Variants in GHR observed in about 807,000 individuals in gnomAD.
The protein encoded by GHR is GH receptor.
GHR carries 35 observed loss-of-function variants against 67.1 expected under a neutral mutation model. That is an observed-to-expected ratio of 0.52 (90% confidence interval 0.40 to 0.69). The LOEUF is 0.69. Ranked by LOEUF, GHR falls within the 30% of genes least tolerant of loss-of-function variation. The probability of loss-of-function intolerance (pLI) is 0.00; values close to 1 mark genes in which losing one functional copy is unlikely to be tolerated. For synonymous variants in GHR, 272 were observed against 269.1 expected, an observed-to-expected ratio of 1.01 and a Z score of -0.10; for missense variants, 792 against 764.6, an observed-to-expected ratio of 1.04 and a Z score of -0.42.
intron 1 of GHR, among the ~76,000 whole-genome samples, chr5:42,523,662 C>T (rs1434970493): frequency 1.3e-5 from 2 of 152,084 alleles, no homozygotes; most frequent in African/African-American, 4.8e-5. Context: ...CCCTGAAACA[C>T]AACAATATTG....
intron 2 of GHR, among the ~76,000 whole-genome samples, chr5:42,605,090 C>CTTTTTT (rs57499086): frequency 1.2e-4 from 11 of 90,074 alleles, no homozygotes; most frequent in African/African-American, 2.4e-4. Flanking sequence ...TGTGGTGCCT[C>CTTTTTT]TTTTTTTTTT....
intron 2 of GHR, among the ~76,000 whole-genome samples, chr5:42,601,828 T>A (rs1017990546): frequency 6.6e-6 from 1 of 152,126 alleles, no homozygotes; most frequent in Non-Finnish European, 1.5e-5. Context: ...TTTCAATTCA[T>A]CTCATAAACA....
intron 1 of GHR, among the ~76,000 whole-genome samples, chr5:42,522,184 T>C (rs1209444963): frequency 6.6e-6 from 1 of 152,188 alleles, no homozygotes; most frequent in East Asian, 1.9e-4. Flanking sequence ...AAAAAGGCCA[T>C]TTGTTGATTG....
Position 42,719,266 on chromosome 5 carries a change from G to A in GHR, c.1759G>A (p.Gly587Ser). 1.9e-6 allele frequency: 3 copies of A among 1,614,118 alleles called. No homozygotes were observed. The highest frequency in any genetic ancestry group is 2.5e-6 in the Non-Finnish European group (3 of 1,179,962). ...GRPGTGEHVP[G>S]SEMPVPDYTS... ...GCCTGGGACAGGAGAACATGTTCCA[G>A]GTTCTGAGATGCCTGTCCCAGACTA... Residue 587 changes from glycine (G) to serine (S), a missense_variant, in exon 10 of 10, where the codon GGT becomes AGT. By Grantham distance (56) the Gly-to-Ser change is moderately conservative (BLOSUM62 0). Transcript: ENST00000230882.
At chr5:42,434,364 G>T (rs192975659) in intron 1 of GHR, among the ~76,000 whole-genome samples, 1 of 152,164 alleles carries the variant, frequency 6.6e-6, no homozygotes, top group African/African-American at 2.4e-5. Flanking sequence ...GTAGGCTTTT[G>T]GTGCCTGAAG....
intron 3 of GHR, among the ~76,000 whole-genome samples, chr5:42,669,911 G>A (rs944450152): frequency 6.6e-6 from 1 of 152,070 alleles, no homozygotes; most frequent in African/African-American, 2.4e-5. Context: ...AATATGTATG[G>A]ATTGGAAGAA....
chr5:42,711,185 C>G (rs370146810), intron 6 of GHR, 22 bp from the exon 7 acceptor site: 1 of 1,595,576 alleles, frequency 6.3e-7, no homozygotes, highest in Non-Finnish European at 8.6e-7. Context: ...GGCCAATATG[C>G]GTTTATATTT....
chr5:42,533,785 A>G (rs1049651473), intron 1 of GHR, among the ~76,000 whole-genome samples: 2 of 151,856 alleles, frequency 1.3e-5, no homozygotes, highest in African/African-American at 4.8e-5. Context: ...TCACCCAAGC[A>G]GTATACACTG....
At chr5:42,596,908 C>T (rs935529285) in intron 2 of GHR, among the ~76,000 whole-genome samples, 3 of 152,168 alleles carry the variant, frequency 2.0e-5, no homozygotes, top group African/African-American at 7.2e-5. Flanking sequence ...ACAGCCCACT[C>T]TGCTAGTAAC....
chr5:42,653,805 T>C (rs1363833641), intron 3 of GHR, among the ~76,000 whole-genome samples: 2 of 152,170 alleles, frequency 1.3e-5, no homozygotes, highest in African/African-American at 2.4e-5. Flanking sequence ...TGCTTGTCGC[T>C]GTTGATGATC....
At chr5:42,665,763 A>T (rs1755933347) in intron 3 of GHR, among the ~76,000 whole-genome samples, 1 of 144,138 alleles carries the variant, frequency 6.9e-6, no homozygotes, top group Non-Finnish European at 1.6e-5. Context: ...AAAAGAAAAA[A>T]AAAGAAAAAG....
At chr5:42,431,576 A>T (rs1420608068) in intron 1 of GHR, among the ~76,000 whole-genome samples, 1 of 152,246 alleles carries the variant, frequency 6.6e-6, no homozygotes, top group Admixed American at 6.5e-5. Context: ...CAAAATCAGC[A>T]GATAACTTCT....
At chr5:42,463,919 A>G (rs1482328268) in intron 1 of GHR, among the ~76,000 whole-genome samples, 2 of 140,340 alleles carry the variant, frequency 1.4e-5, no homozygotes, top group East Asian at 2.2e-4. Flanking sequence ...CGTGAACCCG[A>G]GAGGCGGAGC....
At chr5:42,466,916 G>A (rs769172923) in intron 1 of GHR, 23 of 1,513,258 alleles carry the variant, frequency 1.5e-5, no homozygotes, top group African/African-American at 8.4e-5. Context: ...CTGTGGTGTC[G>A]CATGAGGTGT....
At chr5:42,486,501 C>T (rs2940935) in intron 1 of GHR, among the ~76,000 whole-genome samples, 26,444 of 152,148 alleles carry the variant, frequency 0.17, 2,563 homozygotes, top group Middle Eastern at 0.27. Context: ...ACTCAGCTGG[C>T]TAGGAACTAA....
At chr5:42,526,897 C>T (rs1201170118) in intron 1 of GHR, among the ~76,000 whole-genome samples, 1 of 152,108 alleles carries the variant, frequency 6.6e-6, no homozygotes, top group Non-Finnish European at 1.5e-5. Context: ...CAGCTAAAAC[C>T]CTATAAGCCA....
chr5:42,556,254 G>A (rs1749303274), intron 1 of GHR, among the ~76,000 whole-genome samples: 1 of 152,050 alleles, frequency 6.6e-6, no homozygotes, highest in African/African-American at 2.4e-5. Flanking sequence ...GATATAAAAA[G>A]TATTTAGTAT....
At chr5:42,630,365 A>G (rs1753877854) in intron 3 of GHR, among the ~76,000 whole-genome samples, 1 of 132,308 alleles carries the variant, frequency 7.6e-6, no homozygotes, top group Non-Finnish European at 1.6e-5. Context: ...GCAATAAGGG[A>G]AGGGAAGACA....
chr5:42,680,610 T>C (rs989385051), intron 3 of GHR, among the ~76,000 whole-genome samples: 6 of 152,102 alleles, frequency 3.9e-5, no homozygotes, highest in Middle Eastern at 3.4e-3. Context: ...TTCAAGTGAT[T>C]CTTGTGCCTC....
Sources: allele counts gnomAD v4.1 joint callset (sites outside exome capture counted in the v4.1 genomes callset), GRCh38; gene constraint gnomAD v4.1.1; transcripts MANE v1.5; gene names NCBI Gene and HGNC (gene_info 2026-07-23, HGNC 2026-07-21).